Variants in IPO11 observed in about 807,000 individuals in gnomAD.
The protein encoded by IPO11 is importin 11, also known as importin-11.
A neutral mutation model predicts 143.2 loss-of-function variants in IPO11; 66 were observed. The observed-to-expected ratio is 0.46, with a 90% CI of 0.38 to 0.57. The LOEUF (loss-of-function observed/expected upper bound fraction) is 0.57. IPO11 is among the 20% of genes least tolerant of loss of function. The pLI is 0.00. For synonymous variants in IPO11, 385 were observed against 377.8 expected, an observed-to-expected ratio of 1.02 and a Z score of -0.22; for missense variants, 1,026 against 1,141.0, an observed-to-expected ratio of 0.90 and a Z score of 1.45.
At chr5:62,539,961 C>T (rs952358973) in intron 24 of IPO11, among the ~76,000 whole-genome samples, 2 of 152,168 alleles carry the variant, frequency 1.3e-5, no homozygotes, top group Admixed American at 1.3e-4. Flanking sequence ...GTGATTAAAA[C>T]AAGTGAAAAT....
At chr5:62,604,333 C>T (rs749689631) in intron 29 of IPO11, among the ~76,000 whole-genome samples, 3 of 152,022 alleles carry the variant, frequency 2.0e-5, no homozygotes, top group Non-Finnish European at 2.9e-5. Context: ...CTCAGCCTCC[C>T]GAGTAGCTGG....
intron 29 of IPO11, among the ~76,000 whole-genome samples, chr5:62,622,598 A>G (rs146927537): frequency 2.0e-5 from 3 of 152,324 alleles, no homozygotes; most frequent in African/African-American, 7.2e-5. Context: ...TAGGTTTGAA[A>G]TAATTACTTT....
chr5:62,584,926 G>C (rs1744715404), intron 27 of IPO11, among the ~76,000 whole-genome samples: 1 of 152,046 alleles, frequency 6.6e-6, no homozygotes, highest in Admixed American at 6.6e-5. Context: ...GATGTGCCTT[G>C]TTTCATTGCT....
intron 27 of IPO11, among the ~76,000 whole-genome samples, chr5:62,570,580 T>C (rs923656468): frequency 1.3e-5 from 2 of 152,188 alleles, no homozygotes; most frequent in African/African-American, 4.8e-5. Flanking sequence ...ACCTTTAGGA[T>C]AGATGATTGT....
chr5:62,461,004 T>A (rs1054288159), intron 5 of IPO11, among the ~76,000 whole-genome samples: 1 of 152,198 alleles, frequency 6.6e-6, no homozygotes, highest in Non-Finnish European at 1.5e-5. Flanking sequence ...TTATTCCTGT[T>A]GTTTCTTCTT....
In IPO11 at chr5:62,552,864, T is replaced by A. The variant is rs116483201; in HGVS notation, c.2460+1528T>A. Among the ~76,000 whole-genome samples, 766 of 152,312 alleles carry A rather than the reference T, an allele frequency of 5.0e-3. 7 individuals carry two copies. Among genetic ancestry groups the A allele is most frequent in the African/African-American group, 0.017 (722 of 41,560 alleles). On this transcript the variant is annotated intron_variant, in intron 26 of 29. Coordinates refer to ENST00000325324, the MANE Select transcript of IPO11 (RefSeq NM_016338.5). ...ATAATAGTTGTAGACATTTATGGAG[T>A]ACATAGTGCTATTTCTATACATACA...
In IPO11 at chr5:62,467,248, C is replaced by T. The variant is rs866866734; in HGVS notation, c.634C>T (p.Leu212=). The T allele has an allele frequency of 2.5e-6, 4 of 1,613,400 alleles. No individual in the cohort carries two copies. The highest frequency in any genetic ancestry group is 1.7e-4 in the Middle Eastern group (1 of 6,060). ...AAILSSLERT[L]LSLKVLRKLT... ...AATTTTGAGTTCACTAGAACGAACACTGCTATCATTGAAAGGTACTATTAA... is the reference window on the plus strand; with the variant it reads ...AATTTTGAGTTCACTAGAACGAACATTGCTATCATTGAAAGGTACTATTAA... The change falls in exon 6 of 30, where the codon CTG becomes TTG. Residue 212 remains leucine, a synonymous_variant. Coordinates refer to ENST00000325324, the MANE Select transcript of IPO11 (RefSeq NM_016338.5).
rs16890744 is a variant in IPO11, at chr5:62,412,798, C to T, written c.-138C>T. ...GCTGCGACGCCAAACATGGCGTGTT[C>T]CTAGAAGCCGCTTTCGGCATCAGTA... On this transcript the variant is annotated 5_prime_UTR_variant, in exon 1 of 30. Transcript: ENST00000325324. 2,492 of 152,822 alleles carry T rather than the reference C, an allele frequency of 0.016. 99 individuals carry two copies. Among genetic ancestry groups the T allele is most frequent in the East Asian group, 0.089 (459 of 5,186 alleles). 9.5% of individuals were successfully genotyped at this position (152,822 alleles called of 1,614,324 possible). A position where few individuals can be genotyped will look rare whatever the true frequency, so the allele number is the denominator to read the frequency against.
chr5:62,567,472 CTATTATTAT>C (rs71590888), intron 27 of IPO11, among the ~76,000 whole-genome samples: 3 of 133,732 alleles, frequency 2.2e-5, no homozygotes, highest in Admixed American at 1.5e-4. Context: ...GGAAAATTTT[CTATTATTAT>C]TATTATTATT....
chr5:62,498,563 A>G (rs952450205), intron 16 of IPO11, among the ~76,000 whole-genome samples: 3 of 152,222 alleles, frequency 2.0e-5, no homozygotes, highest in African/African-American at 7.2e-5. Context: ...AACTAATTAT[A>G]TCTTTAAGTT....
At chr5:62,536,197 C>A (rs1208112142) in intron 22 of IPO11, among the ~76,000 whole-genome samples, 2 of 151,984 alleles carry the variant, frequency 1.3e-5, no homozygotes, top group African/African-American at 4.8e-5. Flanking sequence ...TGAGTGAACC[C>A]ATTTAAGCAG....
intron 1 of IPO11, among the ~76,000 whole-genome samples, chr5:62,434,144 G>A (rs988755538): frequency 2.0e-5 from 3 of 151,790 alleles, no homozygotes; most frequent in Non-Finnish European, 2.9e-5. Context: ...GTTTCTAATC[G>A]CAAGGCCTTT....
chr5:62,487,863 T>C lies in IPO11; in HGVS notation c.1309+2T>C. ...TAGAAATGATGCAAACACTTCAAGGTAAGGCATATTTTGTGATTAACTTTG... is the reference window on the plus strand; with the variant it reads ...TAGAAATGATGCAAACACTTCAAGGCAAGGCATATTTTGTGATTAACTTTG... On this transcript the variant is annotated splice_donor_variant, in intron 13 of 29. Transcript: ENST00000325324. LOFTEE classifies it high-confidence loss of function. 1 of 1,603,874 alleles carries C rather than the reference T, an allele frequency of 6.2e-7. No homozygotes were observed. Among genetic ancestry groups the C allele is most frequent in the Non-Finnish European group, 8.5e-7 (1 of 1,176,468 alleles).
At chr5:62,483,956 A>T (rs1253326331) in intron 10 of IPO11, 54 bp from the exon 11 acceptor site, 7 of 1,405,230 alleles carry the variant, frequency 5.0e-6, no homozygotes, top group Admixed American at 4.4e-5. Context: ...TACATAATCC[A>T]ATGTAGCTAC....
At chr5:62,425,361 A>G (rs751169030) in intron 1 of IPO11, among the ~76,000 whole-genome samples, 2 of 152,214 alleles carry the variant, frequency 1.3e-5, no homozygotes, top group South Asian at 2.1e-4. Context: ...GTTGTTGCCC[A>G]GGCTGAAGTA....
chr5:62,435,108 A>ATGTATATATATG (rs1561308788), intron 1 of IPO11, among the ~76,000 whole-genome samples: 5 of 55,510 alleles, frequency 9.0e-5, no homozygotes, highest in East Asian at 5.3e-4. Context: ...ATGTATATAT[A>ATGTATATATATG]TGTATATATG....
At chr5:62,496,314 A>G (rs980276300) in intron 16 of IPO11, among the ~76,000 whole-genome samples, 3 of 151,844 alleles carry the variant, frequency 2.0e-5, no homozygotes, top group African/African-American at 7.3e-5. Flanking sequence ...AAAAAGAAGT[A>G]CGTTTGCATT....
chr5:62,527,932 C>T (rs1742419164), intron 21 of IPO11, among the ~76,000 whole-genome samples: 1 of 152,182 alleles, frequency 6.6e-6, no homozygotes, highest in East Asian at 1.9e-4. Flanking sequence ...AGTTAATCAT[C>T]TTTGGTGAAC....
Position 62,536,775 on chromosome 5 carries a change from T to G in IPO11, c.2163T>G (p.Phe721Leu), listed in dbSNP as rs561311686. The G allele has an allele frequency of 6.4e-7, 1 of 1,562,218 alleles. No homozygotes were observed. Among genetic ancestry groups the G allele is most frequent in the Non-Finnish European group, 8.6e-7 (1 of 1,160,632 alleles). ...NGYIFLSSTE[F>L]LQTYAVGLCQ... ...ATATCTTTTTATCATCAACAGAATT[T>G]TTACAGGTATGTTGGAGTACTTTTG... The change falls in exon 23 of 30, where the codon TTT becomes TTG. Residue 721 changes from phenylalanine to leucine, a missense_variant. Coordinates refer to ENST00000325324, the MANE Select transcript of IPO11 (RefSeq NM_016338.5).
Sources: allele counts gnomAD v4.1 joint callset (sites outside exome capture counted in the v4.1 genomes callset), GRCh38; gene constraint gnomAD v4.1.1; transcripts MANE v1.5; gene names NCBI Gene and HGNC (gene_info 2026-07-23, HGNC 2026-07-21).